Variants in RELN observed in about 807,000 individuals in gnomAD.
The protein encoded by RELN is reelin.
RELN carries 108 observed loss-of-function variants against 427.6 expected under a neutral mutation model. The ratio of observed to expected loss-of-function variants is 0.25; its 90% CI spans 0.22 to 0.30. The LOEUF is 0.30. Among genes scored for constraint, RELN ranks in the 10% least tolerant of loss-of-function variants. The pLI, the probability that RELN is intolerant of heterozygous loss-of-function variation, is 1.00. For missense variants in RELN, 3,715 were observed against 4,302.8 expected (o/e 0.86, Z 3.82); for synonymous variants, 1,524 against 1,513.4 (o/e 1.01, Z -0.16).
intron 4 of RELN, among the ~76,000 whole-genome samples, chr7:103,765,192 A>G (rs1791399249): frequency 6.6e-6 from 1 of 152,212 alleles, no homozygotes; most frequent in Admixed American, 6.5e-5. Flanking sequence ...ACAGAGGAGG[A>G]GGTGGCCACT....
chr7:103,860,555 A>C (rs1364548346), intron 2 of RELN, among the ~76,000 whole-genome samples: 1 of 152,100 alleles, frequency 6.6e-6, no homozygotes, highest in Non-Finnish European at 1.5e-5. Flanking sequence ...ATTTTAAAAA[A>C]ATCCTCACTG....
At chr7:103,523,961 G>A (rs192232717) in intron 46 of RELN, among the ~76,000 whole-genome samples, 1 of 152,314 alleles carries the variant, frequency 6.6e-6, no homozygotes, top group African/African-American at 2.4e-5. Flanking sequence ...ACAGGCATGA[G>A]CCACTGTGCC....
intron 4 of RELN, among the ~76,000 whole-genome samples, chr7:103,754,814 C>T (rs1791093132): frequency 1.3e-5 from 2 of 151,974 alleles, no homozygotes; most frequent in South Asian, 4.1e-4. Context: ...AATGCACAGT[C>T]AAATATATAT....
At chr7:103,805,004 G>T (rs17156232) in intron 3 of RELN, among the ~76,000 whole-genome samples, 7,920 of 151,560 alleles carry the variant, frequency 0.052, 342 homozygotes, top group African/African-American at 0.12. Context: ...ATCTAATCGG[G>T]TATCTAATAT....
chr7:103,685,986 T>C (rs1833757216), intron 10 of RELN, among the ~76,000 whole-genome samples: 1 of 152,198 alleles, frequency 6.6e-6, no homozygotes, highest in Admixed American at 6.6e-5. Flanking sequence ...GTAAAAGTGC[T>C]TACATTTGCC....
intron 3 of RELN, among the ~76,000 whole-genome samples, chr7:103,809,934 C>T (rs1792695453): frequency 6.6e-6 from 1 of 152,168 alleles, no homozygotes; most frequent in Non-Finnish European, 1.5e-5. Flanking sequence ...GGGTGAGACT[C>T]ATATTTTTTA....
chr7:103,920,234 G>A (rs7781289), intron 1 of RELN, among the ~76,000 whole-genome samples: 63,221 of 151,982 alleles, frequency 0.42, 13,602 homozygotes, highest in African/African-American at 0.54. Context: ...TATTTATAAA[G>A]TAGACTTGCA....
intron 36 of RELN, 31 bp downstream of exon 36, chr7:103,561,501 G>A: frequency 1.3e-6 from 2 of 1,522,518 alleles, no homozygotes; most frequent in Admixed American, 1.7e-5. Context: ...TAGTAGTAAT[G>A]TTGGGAAGGA....
intron 11 of RELN, among the ~76,000 whole-genome samples, chr7:103,669,323 T>A (rs1043070489): frequency 1.3e-5 from 2 of 152,226 alleles, no homozygotes; most frequent in African/African-American, 4.8e-5. Context: ...AAAAGTCCTG[T>A]TGCTTTGAAT....
chr7:103,694,467 A>AGATGATGAT (rs139140239), intron 10 of RELN, among the ~76,000 whole-genome samples: 12,615 of 148,696 alleles, frequency 0.085, 800 homozygotes, highest in East Asian at 0.25. Context: ...CAGTTAAATG[A>AGATGATGAT]GATGATGATG....
intron 3 of RELN, among the ~76,000 whole-genome samples, chr7:103,817,706 G>A (rs1178302139): frequency 6.6e-6 from 1 of 152,044 alleles, no homozygotes; most frequent in Non-Finnish European, 1.5e-5. Flanking sequence ...CAGCACTTTG[G>A]GAGGCTGAGG....
chr7:103,665,945 T>C (rs1833256138), intron 11 of RELN, among the ~76,000 whole-genome samples: 1 of 152,266 alleles, frequency 6.6e-6, no homozygotes, highest in Non-Finnish European at 1.5e-5. Flanking sequence ...GATCTGTCTC[T>C]AGTTCAGTAT....
chr7:103,954,589 T>C (rs1796397482), intron 1 of RELN, among the ~76,000 whole-genome samples: 1 of 152,220 alleles, frequency 6.6e-6, no homozygotes, highest in Admixed American at 6.5e-5. Flanking sequence ...TTAGCAATGC[T>C]GGTACAGAAC....
rs565830643 is a variant in RELN, at chr7:103,842,269, A to AAAC, written c.338-8600_338-8598dup. Among the ~76,000 whole-genome samples the AAAC allele has an allele frequency of 1.6e-3, 248 of 152,214 alleles. 1 individual carries two copies. The highest frequency in any genetic ancestry group is 5.8e-3 in the African/African-American group (240 of 41,562). On this transcript the variant is annotated intron_variant, in intron 2 of 64. Transcript: ENST00000428762. ...GCTTCCATCAGTTAATAAAAAAAAA[A>AAAC]AACACAGACTGTTCTGAAAATGTAG...
chr7:103,575,258 A>G (rs1238877695), intron 29 of RELN, among the ~76,000 whole-genome samples: 1 of 152,248 alleles, frequency 6.6e-6, no homozygotes, highest in Non-Finnish European at 1.5e-5. Flanking sequence ...AAAGAACCTC[A>G]ATGTCTGGCA....
chr7:103,725,322 G>C (rs574207489), intron 7 of RELN, among the ~76,000 whole-genome samples: 1 of 152,314 alleles, frequency 6.6e-6, no homozygotes, highest in East Asian at 1.9e-4. Flanking sequence ...GGAAGCCAAG[G>C]CAGTAGGACT....
At chr7:103,959,110 T>C (rs1195906170) in intron 1 of RELN, among the ~76,000 whole-genome samples, 1 of 150,600 alleles carries the variant, frequency 6.6e-6, no homozygotes, top group Non-Finnish European at 1.5e-5. Context: ...ACCTGGCTAA[T>C]TTTCGTATTT....
chr7:103,710,895 T>A (rs1789778877), intron 8 of RELN, among the ~76,000 whole-genome samples: 1 of 152,024 alleles, frequency 6.6e-6, no homozygotes, highest in African/African-American at 2.4e-5. Flanking sequence ...AATAAAAAAA[T>A]TAGCTGGGTG....
intron 1 of RELN, among the ~76,000 whole-genome samples, chr7:103,986,352 C>G (rs1453500845): frequency 6.6e-6 from 1 of 152,160 alleles, no homozygotes; most frequent in African/African-American, 2.4e-5. Context: ...ATGTAAAAAT[C>G]TGTGACAATT....
Sources: allele counts gnomAD v4.1 joint callset (sites outside exome capture counted in the v4.1 genomes callset), GRCh38; gene constraint gnomAD v4.1.1; transcripts MANE v1.5; gene names NCBI Gene and HGNC (gene_info 2026-07-23, HGNC 2026-07-21).